Variants in CACNG8 observed in about 807,000 individuals in gnomAD.
CACNG8 encodes calcium voltage-gated channel auxiliary subunit gamma 8.
In CACNG8, 5 loss-of-function variants were observed where a neutral mutation model predicts 26.9. The ratio of observed to expected loss-of-function variants is 0.19; its 90% CI spans 0.10 to 0.39. The LOEUF (loss-of-function observed/expected upper bound fraction) is 0.39, where lower values mean the gene tolerates loss of function less well. CACNG8 is among the 10% of genes least tolerant of loss of function. The probability of loss-of-function intolerance (pLI) is 1.00; values close to 1 mark genes in which losing one functional copy is unlikely to be tolerated. For missense variants in CACNG8, 473 were observed against 609.4 expected, an observed-to-expected ratio of 0.78 and a Z score of 2.36; for synonymous variants, 321 against 296.7, an observed-to-expected ratio of 1.08 and a Z score of -0.84.
At chr19:53,965,738 G>A (rs2069268490) in intron 1 of CACNG8, among the ~76,000 whole-genome samples, 1 of 151,974 alleles carries the variant, frequency 6.6e-6, no homozygotes, top group Non-Finnish European at 1.5e-5. Flanking sequence ...TCAACCTTTA[G>A]GGTGTTAGAT....
rs2069294932 is a variant in CACNG8 at position 53,970,307 on chromosome 19, T to G, written c.283+6882T>G. Among the ~76,000 whole-genome samples the G allele has an allele frequency of 2.0e-5, 3 of 146,650 alleles. No individual in the cohort carries two copies. The South Asian group carries it at 6.5e-4, about 32-fold the overall frequency. ...CTACAGCCTGGGGAACAGAGTGAGA[T>G]CCCAGAGTGAGAAAGAAAAAAGAAA... On this transcript the variant is annotated intron_variant, in intron 1 of 3. Transcript: ENST00000270458.
Position 53,986,995 on chromosome 19 carries a change from A to G in CACNG8, c.*4146A>G, listed in dbSNP as rs2069411876. 6.6e-6 allele frequency: 1 copy of G among 152,172 alleles called. No homozygotes were observed. Among genetic ancestry groups the G allele is most frequent in the Non-Finnish European group, 1.5e-5 (1 of 68,048 alleles). The allele number at this position is 152,172 out of a possible 1,614,324, so 9.4% of individuals were successfully genotyped here. A position where few individuals can be genotyped will look rare whatever the true frequency, so the allele number is the denominator to read the frequency against. On this transcript the variant is annotated 3_prime_UTR_variant, in exon 4 of 4. Transcript: ENST00000270458. ...CTTGGATCCTTGGGAAGAAATCTGA[A>G]TTTTATTCTAGATCTGATGGGAAGT...
In CACNG8 at chr19:53,972,039, C is replaced by T. The variant is rs193068597; in HGVS notation, c.284-6107C>T. 5.0e-4 allele frequency among the ~76,000 whole-genome samples: 76 copies of T among 152,166 alleles called. 2 individuals carry two copies. The East Asian group carries it at 0.011, about 21-fold the overall frequency. ...TCTCTCTGTCCCCCAGGCTGGAGTG[C>T]GCTGGAGTGCACTGGCGTGATATCG... On this transcript the variant is annotated intron_variant, in intron 1 of 3. Coordinates refer to ENST00000270458, the MANE Select transcript of CACNG8 (RefSeq NM_031895.6).
intron 1 of CACNG8, among the ~76,000 whole-genome samples, chr19:53,965,584 C>T (rs551287888): frequency 3.4e-4 from 52 of 152,102 alleles, no homozygotes; most frequent in African/African-American, 1.2e-3. Context: ...GTTCATTCAA[C>T]GTCCCATTTT....
In CACNG8 at chr19:53,963,065, C is replaced by A. The variant is rs534863097; in HGVS notation, c.-78C>A. ...CCCCGCTTCTGCCTGCGCTGTGAAC[C>A]CCCCCCCAGCCGCCGGCACGGCCCC... On this transcript the variant is annotated 5_prime_UTR_variant, in exon 1 of 4. Transcript: ENST00000270458. 8.3e-5 allele frequency: 73 copies of A among 874,890 alleles called. No individual in the cohort carries two copies. The highest frequency in any genetic ancestry group is 1.0e-4 in the Non-Finnish European group (67 of 638,702). 54.2% of individuals were successfully genotyped at this position (874,890 alleles called of 1,614,324 possible). A position where few individuals can be genotyped will look rare whatever the true frequency, so the allele number is the denominator to read the frequency against.
At chr19:53,978,079 C>A in intron 1 of CACNG8, 67 bp from the exon 2 acceptor site, 1 of 1,075,688 alleles carries the variant, frequency 9.3e-7, no homozygotes, top group Admixed American at 1.9e-5. Context: ...GGTCGGTTGT[C>A]AGTGGGGTTG....
At chr19:53,980,267 G>C (rs1042733220) in intron 3 of CACNG8, among the ~76,000 whole-genome samples, 4 of 152,110 alleles carry the variant, frequency 2.6e-5, no homozygotes, top group Non-Finnish European at 5.9e-5. Context: ...GCAGGTGTCT[G>C]GCGCGTAAGA....
intron 3 of CACNG8, 62 bp downstream of exon 3, chr19:53,980,069 T>A: frequency 7.0e-7 from 1 of 1,418,488 alleles, no homozygotes; most frequent in Non-Finnish European, 9.4e-7. Flanking sequence ...TGTGTGTGTG[T>A]GTGTGTGTGT....
At chr19:53,967,142 C>G (rs977303557) in intron 1 of CACNG8, among the ~76,000 whole-genome samples, 2 of 152,070 alleles carry the variant, frequency 1.3e-5, no homozygotes, top group African/African-American at 4.8e-5. Flanking sequence ...GTCGTGACAA[C>G]CAAAATTGTA....
rs932468825 is a variant in CACNG8, at chr19:53,964,907, C to T, written c.283+1482C>T. On this transcript the variant is annotated intron_variant, in intron 1 of 3. Transcript: ENST00000270458. ...GAACCAGCCATCCTGATGCCCCCTT[C>T]GGCCAAAAGATTGAAATCTCTTGCT... is the stretch of plus-strand genomic sequence containing the variant. 3.3e-5 allele frequency among the ~76,000 whole-genome samples: 5 copies of T among 152,314 alleles called. No homozygotes were observed. The South Asian group carries it at 6.2e-4, about 19-fold the overall frequency.
intron 1 of CACNG8, among the ~76,000 whole-genome samples, chr19:53,963,808 T>C (rs940397700): frequency 3.7e-4 from 55 of 146,786 alleles, no homozygotes; most frequent in African/African-American, 1.3e-3. Context: ...TTTTCTCTTT[T>C]TTTTTTTTTT....
chr19:53,978,746 G>T (rs2069345432), intron 2 of CACNG8, among the ~76,000 whole-genome samples: 1 of 123,376 alleles, frequency 8.1e-6, no homozygotes, highest in Admixed American at 9.4e-5. Flanking sequence ...GGAAAGGAAG[G>T]ACTGCAGAGA....
intron 3 of CACNG8, among the ~76,000 whole-genome samples, chr19:53,980,278 C>G (rs998603969): frequency 3.9e-5 from 6 of 151,936 alleles, no homozygotes; most frequent in Non-Finnish European, 8.8e-5. Flanking sequence ...GCGCGTAAGA[C>G]GCCGGGCGCT....
rs755790899 is a variant in CACNG8, at chr19:53,978,228, C to G, written c.366C>G (p.Leu122=). Residue 122 remains leucine, a splice_region_variant and synonymous_variant, in exon 2 of 4, where the codon CTC becomes CTG. Coordinates refer to ENST00000270458, the MANE Select transcript of CACNG8 (RefSeq NM_031895.6). The stretch of plus-strand genomic sequence containing the variant: ...ACCACGACAGCGCGGAGTATCTACT[C>G]CGTACGTGGGGGTCCGGGACAGACG... 1 of 1,611,748 alleles carries G rather than the reference C, an allele frequency of 6.2e-7. No homozygotes were observed. Among genetic ancestry groups the G allele is most frequent in the Admixed American group, 1.7e-5 (1 of 59,892 alleles).
chr19:53,978,868 T>G (rs1213318352), intron 2 of CACNG8, among the ~76,000 whole-genome samples: 587 of 72,444 alleles, frequency 8.1e-3, no homozygotes, highest in Middle Eastern at 0.014. Flanking sequence ...CTAAAGGGGG[T>G]AGGGAGGGAG....
rs1047981522 is a variant in CACNG8 at position 53,983,426 on chromosome 19, C to G, written c.*577C>G. The G allele has an allele frequency of 6.6e-6, 1 of 152,190 alleles. No individual in the cohort carries two copies. The highest frequency in any genetic ancestry group is 1.5e-5 in the Non-Finnish European group (1 of 68,054). 9.4% of individuals were successfully genotyped at this position (152,190 alleles called of 1,614,324 possible). ...ACTGGTACATAAGAAGGCATTGGAG[C>G]AGGGGACACGAACGAGGCACAGAAA... is the stretch of plus-strand genomic sequence containing the variant. On this transcript the variant is annotated 3_prime_UTR_variant, in exon 4 of 4. Coordinates refer to ENST00000270458, the MANE Select transcript of CACNG8 (RefSeq NM_031895.6).
intron 1 of CACNG8, 141 bp downstream of exon 1, chr19:53,963,566 A>G (rs1367058462): frequency 1.3e-6 from 1 of 789,596 alleles, no homozygotes; most frequent in South Asian, 2.3e-5. Flanking sequence ...GCGCCTTCCC[A>G]CTCGCGCCCC....
At chr19:53,977,911 C>T (rs1048867699) in intron 1 of CACNG8, among the ~76,000 whole-genome samples, 1 of 152,166 alleles carries the variant, frequency 6.6e-6, no homozygotes, top group Admixed American at 6.5e-5. Context: ...GGATGTTAGA[C>T]TTTGGGTTTT....
rs1306251332 is a variant in CACNG8 at position 53,983,199 on chromosome 19, T to TCCCAG, written c.*360_*364dup. Reference sequence around the variant, plus strand: ...GGGCGGGGGGAGGGGAGGGAGGGACTCCCAGCCCAGCCCAACTCCTGGAGA... The same window carrying TCCCAG: ...GGGCGGGGGGAGGGGAGGGAGGGACTCCCAGCCCAGCCCAGCCCAACTCCTGGAGA... On this transcript the variant is annotated 3_prime_UTR_variant, in exon 4 of 4. Transcript: ENST00000270458. The TCCCAG allele has an allele frequency of 3.2e-5, 5 of 155,054 alleles. No homozygotes were observed. Among genetic ancestry groups the TCCCAG allele is most frequent in the South Asian group, 2.1e-4 (1 of 4,862 alleles). 9.6% of individuals were successfully genotyped at this position (155,054 alleles called of 1,614,324 possible).
Sources: allele counts gnomAD v4.1 joint callset (sites outside exome capture counted in the v4.1 genomes callset), GRCh38; gene constraint gnomAD v4.1.1; transcripts MANE v1.5; gene names NCBI Gene and HGNC (gene_info 2026-07-23, HGNC 2026-07-21).